SUPT3H: variants seen among roughly 807,000 people sequenced by gnomAD.
SUPT3H encodes SPT3 homolog, SAGA and STAGA complex component.
A neutral mutation model predicts 44.3 loss-of-function variants in SUPT3H; 44 were observed. That is an observed-to-expected ratio of 0.99 (90% CI 0.78 to 1.28). The LOEUF (loss-of-function observed/expected upper bound fraction) is 1.28. Ranked by LOEUF, SUPT3H falls within the 50% of genes most tolerant of loss-of-function variation. The probability of loss-of-function intolerance (pLI) is 0.00; values close to 1 mark genes in which losing one functional copy is unlikely to be tolerated. For synonymous variants in SUPT3H, 124 were observed against 125.6 expected (o/e 0.99, Z 0.09); for missense variants, 380 against 387.1 (o/e 0.98, Z 0.15).
Position 45,128,503 on chromosome 6 carries a change from C to CAAAA in SUPT3H, c.102-22501_102-22498dup, listed in dbSNP as rs1168489460. Among the ~76,000 whole-genome samples the CAAAA allele has an allele frequency of 1.9e-3, 24 of 12,460 alleles. 2 individuals carry two copies. The highest frequency in any genetic ancestry group is 8.2e-3 in the African/African-American group (18 of 2,200). 8.2% of individuals were successfully genotyped at this position (12,460 alleles called of 152,430 possible). ...CTGGCAACAGAGCAAGACTCTGTCT[C>CAAAA]AAAAAAAAAAAAAAAAAAAAAAAAA... On this transcript the variant is annotated intron_variant, in intron 2 of 10. Coordinates refer to ENST00000371459, the MANE Select transcript of SUPT3H (RefSeq NM_003599.4).
At chr6:45,054,545 T>C (rs1402381053) in intron 3 of SUPT3H, among the ~76,000 whole-genome samples, 4 of 152,324 alleles carry the variant, frequency 2.6e-5, no homozygotes, top group Admixed American at 2.6e-4. Context: ...AATAAATGTG[T>C]ATGCTTTTCC....
At chr6:44,901,389 T>C (rs971360081) in intron 10 of SUPT3H, among the ~76,000 whole-genome samples, 1 of 152,270 alleles carries the variant, frequency 6.6e-6, no homozygotes, top group South Asian at 2.1e-4. Flanking sequence ...CAAGCCTCAG[T>C]AGCCGATATG....
intron 2 of SUPT3H, among the ~76,000 whole-genome samples, chr6:45,259,005 C>T (rs1461408279): frequency 6.6e-6 from 1 of 152,032 alleles, no homozygotes; most frequent in Non-Finnish European, 1.5e-5. Flanking sequence ...AACAACTGTA[C>T]TACCAACCAG....
At chr6:44,817,217 G>A (rs530035262) in intron 11 of SUPT3H, among the ~76,000 whole-genome samples, 9 of 147,822 alleles carry the variant, frequency 6.1e-5, no homozygotes, top group African/African-American at 1.2e-4. Flanking sequence ...ATCAATCAAC[G>A]TAATCTATCA....
At chr6:44,883,555 A>C (rs908603795) in intron 10 of SUPT3H, among the ~76,000 whole-genome samples, 1 of 152,218 alleles carries the variant, frequency 6.6e-6, no homozygotes, top group African/African-American at 2.4e-5. Flanking sequence ...ATCAAAAAAG[A>C]GCTCATATAG....
chr6:45,054,376 A>T (rs1790796212), intron 3 of SUPT3H, among the ~76,000 whole-genome samples: 1 of 152,156 alleles, frequency 6.6e-6, no homozygotes, highest in Non-Finnish European at 1.5e-5. Flanking sequence ...GTCTTGCTGA[A>T]ATCTCTCCAG....
At chr6:44,841,371 GA>G (rs779741116) in intron 10 of SUPT3H, among the ~76,000 whole-genome samples, 3 of 152,126 alleles carry the variant, frequency 2.0e-5, no homozygotes, top group Non-Finnish European at 4.4e-5. Context: ...GCTATGCTGT[GA>G]ATATGGTTTT....
At chr6:44,937,126 T>G (rs879805893) in intron 9 of SUPT3H, among the ~76,000 whole-genome samples, 1 of 152,162 alleles carries the variant, frequency 6.6e-6, no homozygotes, top group Admixed American at 6.5e-5. Flanking sequence ...GATGTAATGA[T>G]TTCTTTTCCT....
intron 3 of SUPT3H, among the ~76,000 whole-genome samples, chr6:45,030,311 A>G (rs1562299033): frequency 6.6e-6 from 1 of 152,110 alleles, no homozygotes; most frequent in Non-Finnish European, 1.5e-5. Flanking sequence ...TGCCTATATA[A>G]TATGTGCTTT....
intron 5 of SUPT3H, among the ~76,000 whole-genome samples, chr6:45,012,470 T>C (rs1329081682): frequency 6.6e-6 from 1 of 152,082 alleles, no homozygotes; most frequent in South Asian, 2.1e-4. Context: ...TTTCAGTAAT[T>C]GTATTCTTGA....
chr6:44,975,403 AAAAGGAATGAAAT>A (rs1446113043), intron 6 of SUPT3H, among the ~76,000 whole-genome samples: 1 of 152,216 alleles, frequency 6.6e-6, no homozygotes, highest in Non-Finnish European at 1.5e-5. Flanking sequence ...CTCAGCCATA[AAAAGGAATGAAAT>A]AATGGCATCT....
At chr6:44,962,679 T>C (rs1776199983) in intron 6 of SUPT3H, among the ~76,000 whole-genome samples, 1 of 152,196 alleles carries the variant, frequency 6.6e-6, no homozygotes, top group African/African-American at 2.4e-5. Context: ...GTGGATGTTT[T>C]TGTATTTTTG....
At chr6:45,181,872 TAAATA>T (rs1181209198) in intron 2 of SUPT3H, among the ~76,000 whole-genome samples, 10 of 1,164 alleles carry the variant, frequency 8.6e-3, no homozygotes, top group African/African-American at 0.012. Flanking sequence ...ATAATAATAA[TAAATA>T]AATAAATAAA....
In SUPT3H at chr6:44,972,251, G is replaced by A. The variant is rs556001766; in HGVS notation, c.505-10423C>T. Among the ~76,000 whole-genome samples, 3 of 152,266 alleles carry A rather than the reference G, an allele frequency of 2.0e-5. No individual in the cohort carries two copies. In the East Asian group the frequency reaches 5.8e-4, roughly 29 times the overall value. ...GGGTAAACATACCCATTCTAAATGG[G>A]AGAAATTGGCCAAAATGAAGGGGTT... On this transcript the variant is annotated intron_variant, in intron 6 of 10. Coordinates refer to ENST00000371459, the MANE Select transcript of SUPT3H (RefSeq NM_003599.4).
chr6:45,176,367 C>T (rs370279958), intron 2 of SUPT3H, among the ~76,000 whole-genome samples: 2,602 of 151,824 alleles, frequency 0.017, 48 homozygotes, highest in South Asian at 0.083. Context: ...CTTTTCAGAC[C>T]GGCTTAAAAA....
At chr6:44,832,153 A>AACTT (rs1166234789) in intron 10 of SUPT3H, among the ~76,000 whole-genome samples, 2 of 146,798 alleles carry the variant, frequency 1.4e-5, no homozygotes, top group Non-Finnish European at 3.0e-5. Flanking sequence ...GGAACGTCCC[A>AACTT]ACTTTGGCAT....
chr6:45,366,613 A>T (rs1795182009), intron 1 of SUPT3H, among the ~76,000 whole-genome samples: 1 of 151,984 alleles, frequency 6.6e-6, no homozygotes. Flanking sequence ...TTTTTTTCAC[A>T]ATCAGGCAAG....
chr6:44,970,723 A>G (rs1171377684), intron 6 of SUPT3H, among the ~76,000 whole-genome samples: 2 of 152,208 alleles, frequency 1.3e-5, no homozygotes, highest in Non-Finnish European at 2.9e-5. Context: ...AAGGCTTTAC[A>G]GTACAGCAAG....
chr6:45,044,765 T>C (rs1487417536), intron 3 of SUPT3H, among the ~76,000 whole-genome samples: 2 of 152,136 alleles, frequency 1.3e-5, no homozygotes, highest in African/African-American at 4.8e-5. Flanking sequence ...ACTCAAAGTG[T>C]TATCTTAGAT....
Sources: allele counts gnomAD v4.1 joint callset (sites outside exome capture counted in the v4.1 genomes callset), GRCh38; gene constraint gnomAD v4.1.1; transcripts MANE v1.5; gene names NCBI Gene and HGNC (gene_info 2026-07-23, HGNC 2026-07-21).